SUMF1: variants seen among roughly 807,000 people sequenced by gnomAD.
SUMF1 encodes sulfatase modifying factor 1, also known as formylglycine-generating enzyme.
SUMF1 carries 48 observed loss-of-function variants against 47.6 expected under a neutral mutation model. The observed-to-expected ratio is 1.01, with a 90% CI of 0.80 to 1.28. The LOEUF is 1.28. Among genes scored for constraint, SUMF1 ranks in the 50% most tolerant of loss-of-function variants. SUMF1 has a pLI of 0.00. For missense variants in SUMF1, 571 were observed against 485.4 expected, an observed-to-expected ratio of 1.18 and a Z score of -1.66; for synonymous variants, 230 against 192.1, an observed-to-expected ratio of 1.20 and a Z score of -1.63.
At chr3:4,258,948 T>C (rs1008278300) in intron 8 of SUMF1, among the ~76,000 whole-genome samples, 32 of 146,034 alleles carry the variant, frequency 2.2e-4, no homozygotes, top group Non-Finnish European at 2.4e-4. Context: ...AAAGGATGAG[T>C]TCATGTCCTT....
intron 8 of SUMF1, among the ~76,000 whole-genome samples, chr3:4,302,958 A>G (rs1461789669): frequency 6.6e-6 from 1 of 152,152 alleles, no homozygotes; most frequent in Non-Finnish European, 1.5e-5. Context: ...ATCACATGTC[A>G]GTCAACTTCC....
intron 8 of SUMF1, among the ~76,000 whole-genome samples, chr3:4,070,464 T>C (rs1467095828): frequency 6.6e-6 from 1 of 152,152 alleles, no homozygotes; most frequent in African/African-American, 2.4e-5. Context: ...CATGAAGTCA[T>C]TCTTTCTAAG....
chr3:4,175,165 T>C (rs1694930269), intron 8 of SUMF1, among the ~76,000 whole-genome samples: 1 of 152,148 alleles, frequency 6.6e-6, no homozygotes, highest in African/African-American at 2.4e-5. Context: ...GTCTGACAGT[T>C]CCAAAGACAG....
chr3:4,414,167 A>C (rs1701632865), intron 6 of SUMF1, among the ~76,000 whole-genome samples: 1 of 152,100 alleles, frequency 6.6e-6, no homozygotes, highest in African/African-American at 2.4e-5. Context: ...ACCTGGCCCC[A>C]AACAAATTTT....
At chr3:4,302,276 A>G (rs1407149290) in intron 8 of SUMF1, among the ~76,000 whole-genome samples, 33 of 152,198 alleles carry the variant, frequency 2.2e-4, no homozygotes, top group Admixed American at 2.2e-3. Context: ...AATACATGTA[A>G]GATTGGTTGG....
At position 4,441,642 on chromosome 3, in the gene SUMF1, G is replaced by A. The variant is rs534779002; in HGVS notation, c.519+7624C>T. 1.2e-3 allele frequency among the ~76,000 whole-genome samples: 187 copies of A among 152,220 alleles called. 1 individual carries two copies. Among genetic ancestry groups the A allele is most frequent in the African/African-American group, 4.4e-3 (181 of 41,526 alleles). On this transcript the variant is annotated intron_variant, in intron 3 of 8. Coordinates refer to ENST00000272902, the MANE Select transcript of SUMF1 (RefSeq NM_182760.4). ...GGGACTTAATATCTATACCTTTTAA[G>A]ATTCTTGTCTCAAATTAAACGTCCA...
intron 8 of SUMF1, among the ~76,000 whole-genome samples, chr3:4,073,400 A>T (rs1402168312): frequency 1.3e-5 from 2 of 152,158 alleles, no homozygotes; most frequent in Non-Finnish European, 2.9e-5. Flanking sequence ...TGTAAAGACC[A>T]TCAACTCTAT....
At chr3:4,344,886 T>C (rs1465760534) in intron 8 of SUMF1, among the ~76,000 whole-genome samples, 1 of 152,024 alleles carries the variant, frequency 6.6e-6, no homozygotes, top group East Asian at 1.9e-4. Context: ...TCGTGAAGCA[T>C]ACACAAGTGT....
chr3:4,335,687 G>GT (rs1352758888), intron 8 of SUMF1, among the ~76,000 whole-genome samples: 1 of 152,066 alleles, frequency 6.6e-6, no homozygotes, highest in African/African-American at 2.4e-5. Flanking sequence ...GCTCACACCT[G>GT]TAATCCCAGC....
At chr3:4,182,191 G>C (rs558059753) in intron 8 of SUMF1, among the ~76,000 whole-genome samples, 1 of 151,954 alleles carries the variant, frequency 6.6e-6, no homozygotes, top group South Asian at 2.1e-4. Flanking sequence ...CAGGGTATGG[G>C]TAAGCATGGG....
chr3:4,050,391 C>G (rs1695085546), intron 9 of SUMF1, among the ~76,000 whole-genome samples: 1 of 151,864 alleles, frequency 6.6e-6, no homozygotes, highest in African/African-American at 2.4e-5. Context: ...CTTTCTGGGT[C>G]TCAATGTCCT....
At chr3:4,258,414 A>C (rs1311488682) in intron 8 of SUMF1, among the ~76,000 whole-genome samples, 1 of 141,436 alleles carries the variant, frequency 7.1e-6, no homozygotes. Flanking sequence ...ACAAATTTAC[A>C]AGAAAAAAAC....
intron 8 of SUMF1, among the ~76,000 whole-genome samples, chr3:4,137,356 G>A (rs2125093062): frequency 6.6e-6 from 1 of 151,798 alleles, no homozygotes; most frequent in South Asian, 2.1e-4. Flanking sequence ...ATCATTCTCA[G>A]CAAACTATTG....
intron 8 of SUMF1, among the ~76,000 whole-genome samples, chr3:4,195,444 T>C (rs916915372): frequency 1.3e-5 from 2 of 152,138 alleles, no homozygotes; most frequent in African/African-American, 4.8e-5. Context: ...AGGCAAGAGC[T>C]GTACCTAAAG....
chr3:4,256,050 A>T (rs1269552970), intron 8 of SUMF1, among the ~76,000 whole-genome samples: 10 of 150,656 alleles, frequency 6.6e-5, no homozygotes, highest in African/African-American at 2.2e-4. Flanking sequence ...AGAAATAAAG[A>T]TGTTCTTTGA....
chr3:4,432,379 A>G (rs1233381747), intron 3 of SUMF1, among the ~76,000 whole-genome samples: 2 of 152,072 alleles, frequency 1.3e-5, no homozygotes. Flanking sequence ...AAAACCCCAT[A>G]CAGAACCAGA....
chr3:4,437,955 A>G (rs1243091774), intron 3 of SUMF1, among the ~76,000 whole-genome samples: 2 of 152,074 alleles, frequency 1.3e-5, no homozygotes, highest in African/African-American at 4.8e-5. Flanking sequence ...AAAATAAAAT[A>G]AAAAAATAAA....
intron 8 of SUMF1, among the ~76,000 whole-genome samples, chr3:4,088,360 C>A (rs1692715810): frequency 6.6e-6 from 1 of 152,102 alleles, no homozygotes; most frequent in Non-Finnish European, 1.5e-5. Context: ...GTAAACATCA[C>A]CTCACACTGA....
At chr3:4,275,280 T>C (rs1329915072) in intron 8 of SUMF1, among the ~76,000 whole-genome samples, 1 of 152,162 alleles carries the variant, frequency 6.6e-6, no homozygotes, top group Non-Finnish European at 1.5e-5. Flanking sequence ...TCATATACAA[T>C]ATGAGATGTT....
Sources: allele counts gnomAD v4.1 joint callset (sites outside exome capture counted in the v4.1 genomes callset), GRCh38; gene constraint gnomAD v4.1.1; transcripts MANE v1.5; gene names NCBI Gene and HGNC (gene_info 2026-07-23, HGNC 2026-07-21).